Variants in RIT2 observed in about 807,000 individuals in gnomAD.
RIT2 encodes the protein Ras like without CAAX 2.
In RIT2, 24 loss-of-function variants were observed where a neutral mutation model predicts 23.7. That is an observed-to-expected ratio of 1.01 (90% CI 0.73 to 1.43). The LOEUF (loss-of-function observed/expected upper bound fraction) is 1.43. RIT2 is among the 40% of genes most tolerant of loss of function. The probability of loss-of-function intolerance (pLI) is 0.00; values close to 1 mark genes in which losing one functional copy is unlikely to be tolerated. For missense variants in RIT2, 236 were observed against 266.9 expected (o/e 0.88, Z 0.81); for synonymous variants, 107 against 91.1 (o/e 1.17, Z -0.99).
intron 4 of RIT2, among the ~76,000 whole-genome samples, chr18:42,917,273 ATC>A (rs371196502): frequency 5.3e-5 from 8 of 152,076 alleles, no homozygotes; most frequent in African/African-American, 1.9e-4. Context: ...CAACTACATC[ATC>A]TGTTAGTTTC....
At chr18:42,985,893 C>A (rs1373749703) in intron 2 of RIT2, among the ~76,000 whole-genome samples, 1 of 151,880 alleles carries the variant, frequency 6.6e-6, no homozygotes. Context: ...AGTTGGAATA[C>A]ATTTATAAAA....
At chr18:42,972,566 G>A (rs940193380) in intron 3 of RIT2, among the ~76,000 whole-genome samples, 1 of 151,736 alleles carries the variant, frequency 6.6e-6, no homozygotes, top group Non-Finnish European at 1.5e-5. Flanking sequence ...TCCTACATTA[G>A]AACTCTAATA....
At chr18:43,072,212 C>T (rs12604195) in intron 1 of RIT2, among the ~76,000 whole-genome samples, 10,438 of 152,104 alleles carry the variant, frequency 0.069, 741 homozygotes, top group East Asian at 0.36. Flanking sequence ...TCCCAAACTC[C>T]TGACCTCAGG....
At chr18:42,809,824 A>AAT (rs74466597) in intron 4 of RIT2, among the ~76,000 whole-genome samples, 1 of 133,546 alleles carries the variant, frequency 7.5e-6, no homozygotes, top group Non-Finnish European at 1.7e-5. Context: ...TTATATATAT[A>AAT]ATATATATAT....
intron 4 of RIT2, among the ~76,000 whole-genome samples, chr18:42,826,950 A>G (rs886635735): frequency 2.0e-5 from 3 of 152,198 alleles, no homozygotes; most frequent in Non-Finnish European, 4.4e-5. Context: ...TATTGAAAAC[A>G]TAAAAGAAAA....
Position 42,776,021 on chromosome 18 carries a change from G to A in RIT2, c.427-32301C>T, listed in dbSNP as rs533174926. Reference sequence around the variant, plus strand: ...ATCATGAGAAATGCTATAAAAGCTCGAAGATGGGTTCAACTTTATGATAAA... The same window carrying A: ...ATCATGAGAAATGCTATAAAAGCTCAAAGATGGGTTCAACTTTATGATAAA... On this transcript the variant is annotated intron_variant, in intron 4 of 4. Coordinates refer to ENST00000326695, the MANE Select transcript of RIT2 (RefSeq NM_002930.4). Among the ~76,000 whole-genome samples the A allele has an allele frequency of 7.2e-5, 11 of 152,264 alleles. No individual in the cohort carries two copies. The South Asian group carries it at 1.9e-3, about 26-fold the overall frequency.
chr18:42,966,240 A>T (rs1378009089), intron 3 of RIT2, among the ~76,000 whole-genome samples: 1 of 152,172 alleles, frequency 6.6e-6, no homozygotes, highest in Non-Finnish European at 1.5e-5. Context: ...TAATTATAGG[A>T]TGCAAAGTTC....
intron 2 of RIT2, among the ~76,000 whole-genome samples, chr18:43,007,487 C>T (rs1911253732): frequency 6.6e-6 from 1 of 151,544 alleles, no homozygotes; most frequent in African/African-American, 2.4e-5. Context: ...CTGAGACAAA[C>T]CAGAGGTTTT....
At chr18:42,927,504 C>T (rs1198536765) in intron 3 of RIT2, among the ~76,000 whole-genome samples, 5 of 151,770 alleles carry the variant, frequency 3.3e-5, no homozygotes, top group Admixed American at 3.3e-4. Flanking sequence ...ATAAAGAAAT[C>T]ACTTTAAAAG....
intron 2 of RIT2, among the ~76,000 whole-genome samples, chr18:43,010,171 C>A (rs1286897395): frequency 6.6e-6 from 1 of 151,802 alleles, no homozygotes; most frequent in African/African-American, 2.4e-5. Context: ...AACTTGTACT[C>A]CACAGTCTTC....
chr18:42,877,253 T>C (rs1273309384), intron 4 of RIT2, among the ~76,000 whole-genome samples: 2 of 151,822 alleles, frequency 1.3e-5, no homozygotes, highest in Non-Finnish European at 3.0e-5. Flanking sequence ...AGTATTCAGT[T>C]ATGTTTTGAT....
intron 4 of RIT2, among the ~76,000 whole-genome samples, chr18:42,777,398 C>A (rs1434751063): frequency 6.6e-6 from 1 of 151,784 alleles, no homozygotes; most frequent in Non-Finnish European, 1.5e-5. Flanking sequence ...GTAAATAAAT[C>A]TCTGGGACTT....
chr18:43,035,831 A>G (rs1444593604), intron 1 of RIT2, among the ~76,000 whole-genome samples: 1 of 152,206 alleles, frequency 6.6e-6, no homozygotes, highest in African/African-American at 2.4e-5. Flanking sequence ...AACTAAGACC[A>G]GTTCTATATG....
chr18:42,889,948 C>A (rs7243068), intron 4 of RIT2, among the ~76,000 whole-genome samples: 3,908 of 152,086 alleles, frequency 0.026, 162 homozygotes, highest in African/African-American at 0.087. Flanking sequence ...TTGTTCTTCA[C>A]AAAGGACATG....
chr18:42,896,745 C>T (rs183371966), intron 4 of RIT2, among the ~76,000 whole-genome samples: 11 of 152,320 alleles, frequency 7.2e-5, no homozygotes, highest in Admixed American at 3.9e-4. Context: ...CAGCCTTTTA[C>T]ACACTAAACT....
chr18:42,827,809 T>C (rs1206997754), intron 4 of RIT2, among the ~76,000 whole-genome samples: 3 of 151,526 alleles, frequency 2.0e-5, no homozygotes, highest in African/African-American at 7.3e-5. Flanking sequence ...ATCAAGACCA[T>C]CCTGGCTAAC....
chr18:43,006,927 T>G lies in RIT2; in HGVS notation c.160+26884A>C, dbSNP rs1468816612. ...GAATGCTTTATACAATTATTGGACT[T>G]GATAGAAAAACCAAAAAGAAGAAAT... On this transcript the variant is annotated intron_variant, in intron 2 of 4. Coordinates refer to ENST00000326695, the MANE Select transcript of RIT2 (RefSeq NM_002930.4). Among the ~76,000 whole-genome samples, 6 of 151,402 alleles carry G rather than the reference T, an allele frequency of 4.0e-5. No homozygotes were observed. In the East Asian group the frequency reaches 1.2e-3, roughly 30 times the overall value.
At chr18:42,956,830 T>G in intron 3 of RIT2, among the ~76,000 whole-genome samples, 1 of 152,158 alleles carries the variant, frequency 6.6e-6, no homozygotes, top group South Asian at 2.1e-4. Context: ...CTTGATATGT[T>G]TCACAAGTTG....
intron 4 of RIT2, among the ~76,000 whole-genome samples, chr18:42,849,925 G>T (rs1014136563): frequency 6.6e-6 from 1 of 152,014 alleles, no homozygotes; most frequent in Non-Finnish European, 1.5e-5. Flanking sequence ...ATATAATTAG[G>T]ACTACATTAG....
Sources: allele counts gnomAD v4.1 joint callset (sites outside exome capture counted in the v4.1 genomes callset), GRCh38; gene constraint gnomAD v4.1.1; transcripts MANE v1.5; gene names NCBI Gene and HGNC (gene_info 2026-07-23, HGNC 2026-07-21).